PCLO: variants seen among roughly 807,000 people sequenced by gnomAD.
PCLO encodes protein piccolo.
A neutral mutation model predicts 427.5 loss-of-function variants in PCLO; 82 were observed. That is an observed-to-expected ratio of 0.19 (90% CI 0.16 to 0.23). The LOEUF is 0.23. Among genes scored for constraint, PCLO ranks in the 10% least tolerant of loss-of-function variants. The pLI is 1.00. For synonymous variants in PCLO, 2,357 were observed against 2,155.4 expected, an observed-to-expected ratio of 1.09 and a Z score of -2.59; for missense variants, 6,239 against 6,115.9, an observed-to-expected ratio of 1.02 and a Z score of -0.67.
rs370974945 is a variant in PCLO, at chr7:82,955,706, T to G, written c.5247A>C (p.Lys1749Asn). The change falls in exon 5 of 25, where the codon AAA becomes AAC. Residue 1749 changes from lysine to asparagine, a missense_variant. Physicochemically the swap from Lys to Asn is moderately conservative, Grantham distance 94. Around this residue, in one of 5 missense-constraint regions of PCLO, gnomAD observed 4,677 missense variants for 4,468.4 expected, o/e 1.05. Transcript: ENST00000333891. ...EDSDSSPSHKKGESKQQRKAR... is the reference protein window; with the variant it reads ...EDSDSSPSHKNGESKQQRKAR... ...CTTTGCGTTGCTGTTTGCTCTCTCC[T>G]TTTTTGTGACTCGGGCTACTGTCAC... The G allele has an allele frequency of 3.6e-4, 577 of 1,613,800 alleles. 1 individual carries two copies. The highest frequency in any genetic ancestry group is 4.4e-4 in the Non-Finnish European group (515 of 1,179,860).
chr7:83,025,579 G>A (rs560435515), intron 3 of PCLO, among the ~76,000 whole-genome samples: 7 of 152,198 alleles, frequency 4.6e-5, no homozygotes, highest in Non-Finnish European at 7.4e-5. Context: ...GCAGGCCACC[G>A]TTCAGATTCA....
chr7:83,005,006 T>C (rs1268133717), intron 3 of PCLO, among the ~76,000 whole-genome samples: 1 of 151,586 alleles, frequency 6.6e-6, no homozygotes, highest in East Asian at 1.9e-4. Flanking sequence ...GTGATTATTA[T>C]CAAAAAGTCA....
intron 6 of PCLO, among the ~76,000 whole-genome samples, chr7:82,925,783 G>A (rs1054454669): frequency 3.0e-4 from 44 of 146,490 alleles, no homozygotes; most frequent in African/African-American, 9.1e-4. Flanking sequence ...GCAGTGGTGC[G>A]GTCATGGCTC....
At chr7:82,967,750 T>G (rs1314380512) in intron 3 of PCLO, among the ~76,000 whole-genome samples, 1 of 152,186 alleles carries the variant, frequency 6.6e-6, no homozygotes, top group Non-Finnish European at 1.5e-5. Flanking sequence ...AAAGAATTCC[T>G]CCCTGATTGA....
chr7:82,875,666 G>A (rs1453636486), intron 10 of PCLO, among the ~76,000 whole-genome samples: 1 of 152,042 alleles, frequency 6.6e-6, no homozygotes, highest in Non-Finnish European at 1.5e-5. Context: ...CTGCAAAAGT[G>A]TTAAAATGTT....
At chr7:83,113,725 A>G (rs944565512) in intron 3 of PCLO, among the ~76,000 whole-genome samples, 1 of 152,110 alleles carries the variant, frequency 6.6e-6, no homozygotes, top group Non-Finnish European at 1.5e-5. Context: ...TAGAAGGGTA[A>G]TTTTGTAAAA....
At chr7:83,107,648 A>G (rs1174348945) in intron 3 of PCLO, among the ~76,000 whole-genome samples, 1 of 151,024 alleles carries the variant, frequency 6.6e-6, no homozygotes, top group African/African-American at 2.4e-5. Flanking sequence ...AATAATTAAT[A>G]CTAATAATTT....
chr7:82,908,893 C>A lies in PCLO; in HGVS notation c.13421G>T (p.Ser4474Ile), dbSNP rs1468123837. 4 of 1,612,246 alleles carry A rather than the reference C, an allele frequency of 2.5e-6. 1 individual carries two copies. In the South Asian group the frequency reaches 4.4e-5, roughly 18 times the overall value. ...AGCACTTACTTGCTCTTGATGTTGACTGAGTGGTCTAGAGTGGACCAATCT... is the reference window on the plus strand; with the variant it reads ...AGCACTTACTTGCTCTTGATGTTGAATGAGTGGTCTAGAGTGGACCAATCT... ...PERLVHSRPL[S>I]QHQEQIIQMN... The change falls in exon 8 of 25, where the codon AGT becomes ATT. Residue 4474 changes from serine (S) to isoleucine (I), a missense_variant. Around this residue, in one of 5 missense-constraint regions of PCLO, gnomAD observed 877 missense variants for 925.5 expected, o/e 0.95. Coordinates refer to ENST00000333891, the MANE Select transcript of PCLO (RefSeq NM_033026.6).
In PCLO at chr7:82,845,476, G is replaced by A. The variant is rs555280857; in HGVS notation, c.13841C>T (p.Ala4614Val). ...LHEPPKAVDK[A>V]KSPGVDPKQL... ...CTTAGGATCAACCCCTGGGGATTTCGCCTTATCCACTACAACAAAATGAAA... is the reference window on the plus strand; with the variant it reads ...CTTAGGATCAACCCCTGGGGATTTCACCTTATCCACTACAACAAAATGAAA... Residue 4614 changes from alanine to valine, a missense_variant, in exon 13 of 25, where the codon GCG becomes GTG. Physicochemically the swap from Ala to Val is moderately conservative, Grantham distance 64. Coordinates refer to ENST00000333891, the MANE Select transcript of PCLO (RefSeq NM_033026.6). 30 of 1,609,434 alleles carry A rather than the reference G, an allele frequency of 1.9e-5. No homozygotes were observed. Among genetic ancestry groups the A allele is most frequent in the South Asian group, 1.8e-4 (16 of 90,612 alleles).
intron 16 of PCLO, among the ~76,000 whole-genome samples, chr7:82,828,845 C>G (rs1792017218): frequency 1.3e-5 from 2 of 152,116 alleles, no homozygotes; most frequent in African/African-American, 4.8e-5. Flanking sequence ...TCTGCCCAAG[C>G]TTATGTCTCA....
chr7:83,148,767 T>C (rs1338123703), intron 2 of PCLO, among the ~76,000 whole-genome samples: 1 of 152,208 alleles, frequency 6.6e-6, no homozygotes, highest in Non-Finnish European at 1.5e-5. Flanking sequence ...AGTTCATATA[T>C]GTCATTCATG....
chr7:82,965,236 C>T (rs982361408), intron 4 of PCLO, among the ~76,000 whole-genome samples: 12 of 151,408 alleles, frequency 7.9e-5, no homozygotes, highest in East Asian at 5.8e-4. Context: ...TATTAAACTG[C>T]TTTGTGAAAT....
At chr7:82,904,798 A>T (rs1285896462) in intron 8 of PCLO, among the ~76,000 whole-genome samples, 2 of 152,034 alleles carry the variant, frequency 1.3e-5, no homozygotes, top group African/African-American at 4.8e-5. Context: ...GGAATGTTGA[A>T]CATATTAATT....
rs1791820812 is a variant in PCLO at position 82,822,568 on chromosome 7, C to G, written c.14718G>C (p.Gln4906His). Residue 4906 changes from glutamine (Q) to histidine (H), a missense_variant, in exon 20 of 25, where the codon CAG becomes CAC. Gln to His is a conservative substitution (Grantham distance 24). Around this residue, in one of 5 missense-constraint regions of PCLO, gnomAD observed 877 missense variants for 925.5 expected, o/e 0.95. Coordinates refer to ENST00000333891, the MANE Select transcript of PCLO (RefSeq NM_033026.6). The part of the protein sequence containing the change: ...SRSQSKTSVT[Q>H]THLEDAGAAI... ...CAGCCCCTGCATCTTCCAGGTGGGTCTGAGTGACGCTGGTTTTGCTTTGAC... is the reference window on the plus strand; with the variant it reads ...CAGCCCCTGCATCTTCCAGGTGGGTGTGAGTGACGCTGGTTTTGCTTTGAC... 1 of 1,613,878 alleles carries G rather than the reference C, an allele frequency of 6.2e-7. No individual in the cohort carries two copies. The highest frequency in any genetic ancestry group is 8.5e-7 in the Non-Finnish European group (1 of 1,179,844).
rs540153835 is a variant in PCLO at position 82,923,849 on chromosome 7, C to T, written c.11113-6976G>A. 8.2e-4 allele frequency among the ~76,000 whole-genome samples: 125 copies of T among 152,142 alleles called. 1 individual carries two copies. In the South Asian group the frequency reaches 0.01, roughly 12 times the overall value. ...CAATATAGGTAATAAATAAATCTTT[C>T]TCATACTTGACAGTAATGGCATTTT... On this transcript the variant is annotated intron_variant, in intron 6 of 24. Transcript: ENST00000333891.
chr7:82,855,227 T>A (rs1792771163), intron 10 of PCLO, among the ~76,000 whole-genome samples: 1 of 152,148 alleles, frequency 6.6e-6, no homozygotes, highest in Admixed American at 6.6e-5. Context: ...TTTAGGCTAA[T>A]GTTATATAGT....
chr7:82,990,105 T>C (rs928858229), intron 3 of PCLO, among the ~76,000 whole-genome samples: 3 of 152,104 alleles, frequency 2.0e-5, no homozygotes, highest in South Asian at 2.1e-4. Context: ...AATGCCTCAA[T>C]AGGTAGCCAT....
At chr7:82,839,842 T>C (rs186489256) in intron 14 of PCLO, among the ~76,000 whole-genome samples, 2 of 152,188 alleles carry the variant, frequency 1.3e-5, no homozygotes, top group African/African-American at 2.4e-5. Flanking sequence ...CCAGTGCTGA[T>C]AGATTCATGG....
chr7:82,831,219 C>CA (rs1420259094), intron 16 of PCLO, among the ~76,000 whole-genome samples: 2 of 151,866 alleles, frequency 1.3e-5, no homozygotes, highest in Non-Finnish European at 2.9e-5. Context: ...AAAATTAAGG[C>CA]GTATTGTCAA....
Sources: allele counts gnomAD v4.1 joint callset (sites outside exome capture counted in the v4.1 genomes callset), GRCh38; gene constraint gnomAD v4.1.1; regional missense constraint gnomAD v4.1.1; transcripts MANE v1.5; gene names NCBI Gene and HGNC (gene_info 2026-07-23, HGNC 2026-07-21).